TPTE2: variants seen among roughly 807,000 people sequenced by gnomAD.
The protein encoded by TPTE2 is phosphatidylinositol 3,4,5-trisphosphate 3-phosphatase TPTE2.
TPTE2 carries 53 observed loss-of-function variants against 78.6 expected under a neutral mutation model. The observed-to-expected ratio is 0.67, with a 90% confidence interval of 0.54 to 0.85. The LOEUF (loss-of-function observed/expected upper bound fraction) is 0.85, where lower values mean the gene tolerates loss of function less well. Among genes scored for constraint, TPTE2 ranks in the 40% least tolerant of loss-of-function variants. The pLI is 0.00. For missense variants in TPTE2, 461 were observed against 623.0 expected (o/e 0.74, Z 2.77); for synonymous variants, 175 against 206.2 (o/e 0.85, Z 1.30).
intron 1 of TPTE2, among the ~76,000 whole-genome samples, chr13:19,511,660 AG>A (rs1184137290): frequency 1.3e-5 from 2 of 152,168 alleles, no homozygotes; most frequent in Non-Finnish European, 2.9e-5. Flanking sequence ...AAAGGAACAC[AG>A]GGGCTAGCTT....
At chr13:19,557,516 A>T in the TPTE2 span, among the ~76,000 whole-genome samples, 3 of 152,200 alleles carry the variant, frequency 2.0e-5, no homozygotes, top group Non-Finnish European at 4.4e-5. Context: ...GCTGAAAGGC[A>T]GCTTAGAGAC....
upstream of TPTE2, among the ~76,000 whole-genome samples, chr13:19,506,749 C>T (rs371331252): frequency 3.3e-5 from 5 of 152,256 alleles, no homozygotes; most frequent in East Asian, 9.6e-4. Context: ...CTACTGACAA[C>T]CTCAATTTCA....
At chr13:19,509,745 A>G (rs1869306515) in intron 1 of TPTE2, among the ~76,000 whole-genome samples, 1 of 152,188 alleles carries the variant, frequency 6.6e-6, no homozygotes, top group East Asian at 1.9e-4. Context: ...TAATTGTGGT[A>G]ATAAAAAAAG....
chr13:19,496,987 G>T, intron 1 of TPTE2, among the ~76,000 whole-genome samples: 1 of 152,212 alleles, frequency 6.6e-6, no homozygotes, highest in Non-Finnish European at 1.5e-5. Flanking sequence ...CCTCACTTGG[G>T]AAGTGCAAGG....
rs1327739039 is a variant in TPTE2, at chr13:19,433,026, A to C, written c.1117-448T>G. ...AAACCTCAGTAGCAGGTTTCCCGTC[A>C]CTCTTCTCTTGTTCCTGACAGCTAG... On this transcript the variant is annotated intron_variant, in intron 15 of 19. Transcript: ENST00000400230. Among the ~76,000 whole-genome samples the C allele has an allele frequency of 8.5e-5, 13 of 152,058 alleles. No individual in the cohort carries two copies. The South Asian group carries it at 2.7e-3, about 32-fold the overall frequency.
At chr13:19,561,451 A>C in the TPTE2 span, among the ~76,000 whole-genome samples, 1 of 152,006 alleles carries the variant, frequency 6.6e-6, no homozygotes, top group African/African-American at 2.4e-5. Context: ...AAGTTGCCTA[A>C]AGTTGCTACG....
chr13:19,532,853 G>A lies in TPTE2; in HGVS notation c.-44+3743C>T, dbSNP rs186098037. Reference sequence around the variant, plus strand: ...CCCTACCTTTAAGGAGATCAGCACAGAAAATATTGTAAAGGAGACAGAGTA... The same window carrying A: ...CCCTACCTTTAAGGAGATCAGCACAAAAAATATTGTAAAGGAGACAGAGTA... On this transcript the variant is annotated intron_variant, in intron 1 of 17. Transcript: ENST00000390680. Among the ~76,000 whole-genome samples, 645 of 152,304 alleles carry A rather than the reference G, an allele frequency of 4.2e-3. 6 individuals are homozygous for A. The highest frequency in any genetic ancestry group is 0.014 in the African/African-American group (588 of 41,568).
chr13:19,427,058 T>TC (rs1876161442), intron 17 of TPTE2, among the ~76,000 whole-genome samples: 1 of 28,058 alleles, frequency 3.6e-5, no homozygotes, highest in Non-Finnish European at 1.4e-4. Context: ...GAACCACTTT[T>TC]CTTTTTTTTT....
intron 10 of TPTE2, among the ~76,000 whole-genome samples, chr13:19,452,922 A>C (rs191183947): frequency 6.6e-6 from 1 of 152,068 alleles, no homozygotes; most frequent in Non-Finnish European, 1.5e-5. Flanking sequence ...ATCATGCAAC[A>C]TTTAGAATAC....
chr13:19,464,305 C>A (rs1879118162), intron 10 of TPTE2, 151 bp downstream of exon 13: 4 of 804,754 alleles, frequency 5.0e-6, no homozygotes, highest in African/African-American at 1.7e-5. Context: ...ACCACTGGCA[C>A]AATTGTAACT....
Position 19,432,557 on chromosome 13 carries a change from CA to C in TPTE2, c.1137del (p.Phe379LeufsTer4), listed in dbSNP as rs1876738820. The C allele has an allele frequency of 6.2e-7, 1 of 1,600,432 alleles. No individual in the cohort carries two copies. The highest frequency in any genetic ancestry group is 2.2e-5 in the East Asian group (1 of 44,710). ...CAGTTGTAGAGATGTTTCACTTGTG[CA>C]AAATATCCAACATATCTATTCTGAA... On this transcript the variant is annotated frameshift_variant, in exon 16 of 20. Transcript: ENST00000400230. LOFTEE classifies it high-confidence loss of function.
Position 19,486,850 on chromosome 13 carries a change from G to T in TPTE2, c.120-4303C>A, listed in dbSNP as rs546285568. The stretch of plus-strand genomic sequence containing the variant: ...TAGAGCTATTCTAGCTCAGGATGTG[G>T]GCACACTGCTGCTCAGCTGGCCTGG... On this transcript the variant is annotated intron_variant, in intron 3 of 19. Transcript: ENST00000400230. This position sits in a 1 kb window ranked among gnomAD's most constrained non-coding sequence, Gnocchi z 4.3. Among the ~76,000 whole-genome samples the T allele has an allele frequency of 3.9e-5, 6 of 152,238 alleles. No individual in the cohort carries two copies. In the East Asian group the frequency reaches 7.8e-4, roughly 20 times the overall value.
At chr13:19,451,936 A>G (rs1446631168) in intron 10 of TPTE2, among the ~76,000 whole-genome samples, 6 of 152,066 alleles carry the variant, frequency 3.9e-5, no homozygotes. Flanking sequence ...TTCAGTAAAT[A>G]TATCTTTCTG....
At chr13:19,462,126 G>A (rs995613694) in intron 10 of TPTE2, among the ~76,000 whole-genome samples, 17 of 151,078 alleles carry the variant, frequency 1.1e-4, no homozygotes, top group African/African-American at 4.1e-4. Flanking sequence ...TTGTGGTTTG[G>A]TCATTTTCTG....
exon 20 of TPTE2, chr13:19,423,050 C>T (rs1207005653): frequency 1.2e-6 from 2 of 1,611,898 alleles, no homozygotes; most frequent in Non-Finnish European, 8.5e-7. Context: ...CCAGCTACAA[C>T]ATCATTGGAA....
intron 10 of TPTE2, among the ~76,000 whole-genome samples, chr13:19,452,443 T>C (rs1166707278): frequency 6.6e-6 from 1 of 152,158 alleles, no homozygotes; most frequent in East Asian, 1.9e-4. Flanking sequence ...ATGGGGACTA[T>C]GCCTAGTATG....
chr13:19,468,351 TG>T (rs1038961261), intron 6 of TPTE2, among the ~76,000 whole-genome samples: 6 of 152,116 alleles, frequency 3.9e-5, no homozygotes, highest in African/African-American at 1.4e-4. Flanking sequence ...AGGATCTTAT[TG>T]TTTTTTATGG....
At chr13:19,484,054 G>A (rs1880516208) in intron 3 of TPTE2, among the ~76,000 whole-genome samples, 2 of 151,690 alleles carry the variant, frequency 1.3e-5, no homozygotes, top group South Asian at 2.1e-4. Flanking sequence ...GCGATAGGTT[G>A]CTGAAAAAAT....
intron 1 of TPTE2, among the ~76,000 whole-genome samples, chr13:19,530,711 G>T (rs1870815823): frequency 6.6e-6 from 1 of 152,002 alleles, no homozygotes; most frequent in African/African-American, 2.4e-5. Flanking sequence ...GTTTTTAAGA[G>T]ATGGGGTCTC....
Sources: gnomAD v4.1 joint callset for allele counts (sites outside exome capture counted in the v4.1 genomes callset) on GRCh38, gnomAD v4.1.1 for gene constraint, Gnocchi (gnomAD v3.1) non-coding constraint, MANE v1.5 for transcripts, NCBI Gene and HGNC (gene_info 2026-07-23, HGNC 2026-07-21) for gene names.